MPHOSPH9: variants seen among roughly 807,000 people sequenced by gnomAD.
MPHOSPH9 encodes the protein M-phase phosphoprotein 9.
MPHOSPH9 carries 88 observed loss-of-function variants against 145.5 expected under a neutral mutation model. The ratio of observed to expected loss-of-function variants is 0.60; its 90% confidence interval spans 0.51 to 0.72. The LOEUF (loss-of-function observed/expected upper bound fraction) is 0.72. Ranked by LOEUF, MPHOSPH9 falls within the 30% of genes least tolerant of loss-of-function variation. MPHOSPH9 has a pLI of 0.00. For synonymous variants in MPHOSPH9, 435 were observed against 486.2 expected, an observed-to-expected ratio of 0.89 and a Z score of 1.39; for missense variants, 1,238 against 1,386.6, an observed-to-expected ratio of 0.89 and a Z score of 1.70.
chr12:123,165,015 CAAAAAAA>C (rs35219995), intron 18 of MPHOSPH9, among the ~76,000 whole-genome samples: 1 of 83,248 alleles, frequency 1.2e-5, no homozygotes, highest in African/African-American at 4.9e-5. Flanking sequence ...CTCACTGTCT[CAAAAAAA>C]AAAAAAAAAA....
At chr12:123,218,237 AAAC>A (rs2047052374) in intron 6 of MPHOSPH9, 136 bp downstream of exon 6, 1 of 1,271,022 alleles carries the variant, frequency 7.9e-7, no homozygotes, top group Non-Finnish European at 1.1e-6. Context: ...CGTCTCAAAA[AAAC>A]AACAACAAAA....
intron 8 of MPHOSPH9, among the ~76,000 whole-genome samples, chr12:123,208,153 C>T (rs1374326745): frequency 7.2e-6 from 1 of 139,112 alleles, no homozygotes; most frequent in Non-Finnish European, 1.5e-5. Context: ...GGAACCACTG[C>T]ACTCCAGCCT....
chr12:123,199,622 G>A (rs1044535070), intron 11 of MPHOSPH9, among the ~76,000 whole-genome samples: 8 of 151,724 alleles, frequency 5.3e-5, no homozygotes, highest in African/African-American at 4.8e-5. Context: ...GTGAAACCCC[G>A]TCTCTACTAA....
chr12:123,210,222 G>C (rs1267515521), intron 7 of MPHOSPH9, 60 bp from the exon 8 acceptor site: 2 of 953,306 alleles, frequency 2.1e-6, no homozygotes, highest in African/African-American at 1.7e-5. Context: ...ATGCTTTCTA[G>C]AATAACATTT....
chr12:123,191,665 T>G (rs746911931), intron 13 of MPHOSPH9, among the ~76,000 whole-genome samples: 4 of 152,102 alleles, frequency 2.6e-5, no homozygotes, highest in Non-Finnish European at 5.9e-5. Flanking sequence ...AAAATGAGAC[T>G]GATTCTAGGA....
chr12:123,158,874 G>A (rs766476153), intron 23 of MPHOSPH9, among the ~76,000 whole-genome samples: 49 of 152,108 alleles, frequency 3.2e-4, no homozygotes, highest in Non-Finnish European at 6.0e-4. Flanking sequence ...CAAGTGATCT[G>A]CCCACCTTGG....
intron 4 of MPHOSPH9, among the ~76,000 whole-genome samples, 159 bp downstream of exon 4, chr12:123,222,879 T>G (rs2047266821): frequency 6.6e-6 from 1 of 151,932 alleles, no homozygotes; most frequent in Non-Finnish European, 1.5e-5. Context: ...GAGGTTGTAG[T>G]GAGCTGAGAT....
At chr12:123,221,215 G>T (rs1361219421) in intron 5 of MPHOSPH9, among the ~76,000 whole-genome samples, 157 bp downstream of exon 5, 2 of 152,234 alleles carry the variant, frequency 1.3e-5, no homozygotes, top group South Asian at 2.1e-4. Flanking sequence ...AAGAAAGTCA[G>T]TGTCATTAGA....
At chr12:123,187,884 G>A (rs2045518073) in intron 13 of MPHOSPH9, among the ~76,000 whole-genome samples, 1 of 152,184 alleles carries the variant, frequency 6.6e-6, no homozygotes, top group Non-Finnish European at 1.5e-5. Context: ...CCAACACTTT[G>A]GTAGACTGAG....
chr12:123,182,216 G>A (rs1345526453), intron 13 of MPHOSPH9, among the ~76,000 whole-genome samples: 5 of 151,560 alleles, frequency 3.3e-5, no homozygotes, highest in Non-Finnish European at 5.9e-5. Flanking sequence ...TAGGATTACA[G>A]GCGTGAGCCA....
chr12:123,221,956 CTG>C (rs1348097685), intron 4 of MPHOSPH9, 61 bp from the exon 5 acceptor site: 2 of 848,336 alleles, frequency 2.4e-6, no homozygotes, highest in Non-Finnish European at 3.5e-6. Flanking sequence ...ATTTTTATGA[CTG>C]TTACAAGAAT....
chr12:123,175,244 G>A (rs1011518131), intron 16 of MPHOSPH9, among the ~76,000 whole-genome samples: 2 of 151,528 alleles, frequency 1.3e-5, no homozygotes, highest in African/African-American at 4.9e-5. Flanking sequence ...TCCGCCTCCC[G>A]GGTTCACACC....
At position 123,163,968 on chromosome 12, in the gene MPHOSPH9, G is replaced by A. The variant is rs771435768; in HGVS notation, c.2890C>T (p.Arg964Cys). The change falls in exon 19 of 24, where the codon CGT becomes TGT. Residue 964 changes from arginine (R) to cysteine (C), a missense_variant. Arg to Cys is a radical substitution (Grantham distance 180, BLOSUM62 -3). Around this residue, in one of 3 missense-constraint regions of MPHOSPH9, gnomAD observed 393 missense variants for 462.5 expected, o/e 0.85. Transcript: ENST00000606320. ...QRSSSLPPSN[R>C]KSSTPTKREI... is the part of the protein sequence containing the mutation. ...CTCTTACTTGGAGTACTTGATTTAC[G>A]ATTTGAAGGTGGTAAAGATGATGAT... 6.2e-7 allele frequency: 1 copy of A among 1,614,050 alleles called. No individual in the cohort carries two copies. Among genetic ancestry groups the A allele is most frequent in the South Asian group, 1.1e-5 (1 of 91,070 alleles).
At chr12:123,172,389 G>A (rs936760924) in intron 16 of MPHOSPH9, among the ~76,000 whole-genome samples, 1 of 151,652 alleles carries the variant, frequency 6.6e-6, no homozygotes, top group Non-Finnish European at 1.5e-5. Flanking sequence ...CTGGAATGCA[G>A]TGGTGTAATC....
rs1157506067 is a variant in MPHOSPH9 at position 123,193,090 on chromosome 12, A to AT, written c.2241+1295_2241+1296insA. On this transcript the variant is annotated intron_variant, in intron 13 of 23. Transcript: ENST00000606320. ...GTCTTTCAAAAAAAAAAAAAAAAAA[A>AT]AAAAAAATATATATATATACACACA... 1.3e-3 allele frequency among the ~76,000 whole-genome samples: 81 copies of AT among 60,766 alleles called. 1 individual carries two copies. Among genetic ancestry groups the AT allele is most frequent in the African/African-American group, 3.1e-3 (74 of 23,562 alleles). The allele number at this position is 60,766 out of a possible 152,430, so 39.9% of individuals were successfully genotyped here.
At chr12:123,181,100 T>G (rs1358485335) in intron 14 of MPHOSPH9, 63 bp downstream of exon 14, 3 of 1,470,070 alleles carry the variant, frequency 2.0e-6, no homozygotes, top group Non-Finnish European at 2.9e-6. Context: ...TCAGATCCCT[T>G]GATTCCCAAT....
rs916687247 is a variant in MPHOSPH9, at chr12:123,206,908, G to A, written c.1194+3148C>T. 8.9e-4 allele frequency among the ~76,000 whole-genome samples: 130 copies of A among 146,308 alleles called. 1 individual carries two copies. Among genetic ancestry groups the A allele is most frequent in the African/African-American group, 3.0e-3 (120 of 39,464 alleles). On this transcript the variant is annotated intron_variant, in intron 8 of 23. Transcript: ENST00000606320. Reference sequence around the variant, plus strand: ...CAGCCTGGCAACAGAGCAAGACTCCGTCTCAAAAAAAAAGTTATATAATAG... The same window carrying A: ...CAGCCTGGCAACAGAGCAAGACTCCATCTCAAAAAAAAAGTTATATAATAG...
intron 6 of MPHOSPH9, 115 bp downstream of exon 6, chr12:123,218,261 A>T: frequency 7.0e-7 from 1 of 1,431,442 alleles, no homozygotes; most frequent in East Asian, 2.4e-5. Context: ...AAAATGTATA[A>T]ATGAACAAAT....
At chr12:123,165,015 CAAAAAAAAAAAA>C (rs35219995) in intron 18 of MPHOSPH9, among the ~76,000 whole-genome samples, 2 of 83,248 alleles carry the variant, frequency 2.4e-5, no homozygotes, top group Admixed American at 1.5e-4. Context: ...CTCACTGTCT[CAAAAAAAAAAAA>C]AAAAAAAAAA....
Sources: gnomAD v4.1 joint callset for allele counts (sites outside exome capture counted in the v4.1 genomes callset) on GRCh38, gnomAD v4.1.1 for gene constraint, gnomAD v4.1.1 regional missense constraint, MANE v1.5 for transcripts, NCBI Gene and HGNC (gene_info 2026-07-23, HGNC 2026-07-21) for gene names.